Variants in SCML2 observed in about 807,000 individuals in gnomAD.
The protein encoded by SCML2 is sex comb on midleg-like protein 2.
Under a neutral mutation model 48.4 loss-of-function variants are expected in SCML2, and 6 were observed. The observed-to-expected ratio is 0.12, with a 90% CI of 0.07 to 0.24. The LOEUF (loss-of-function observed/expected upper bound fraction) is 0.24. Ranked by LOEUF, SCML2 falls within the 10% of genes least tolerant of loss-of-function variation. The pLI, the probability that SCML2 is intolerant of heterozygous loss-of-function variation, is 1.00. For missense variants in SCML2, 377 were observed against 528.2 expected (o/e 0.71, Z 2.81); for synonymous variants, 181 against 189.5 (o/e 0.95, Z 0.37).
At chrX:18,318,745 C>T (rs1319926917) in intron 6 of SCML2, among the ~76,000 whole-genome samples, 1 of 111,889 alleles carries the variant, frequency 8.9e-6, no homozygotes, top group Non-Finnish European at 1.9e-5. Context: ...TGAATATTTG[C>T]TTCCAGTAGA....
intron 1 of SCML2, among the ~76,000 whole-genome samples, chrX:18,343,107 G>GT (rs1370057858): frequency 9.1e-6 from 1 of 109,650 alleles, no homozygotes; most frequent in Non-Finnish European, 1.9e-5. Context: ...TGTTTGGAGA[G>GT]TTTTTTTCTT....
chrX:18,303,068 C>CA (rs201157960), intron 7 of SCML2, among the ~76,000 whole-genome samples: 1,500 of 111,624 alleles, frequency 0.013, 21 homozygotes, highest in African/African-American at 0.046. Flanking sequence ...ATATGGTCCC[C>CA]ATCTCATGCT....
intron 7 of SCML2, among the ~76,000 whole-genome samples, chrX:18,270,027 A>AT (rs1409778677): frequency 9.1e-4 from 23 of 25,382 alleles, no homozygotes; most frequent in Middle Eastern, 0.019. Context: ...AAGTACTATA[A>AT]ATTTTTTTTT....
chrX:18,317,732 G>A (rs1371237228), intron 6 of SCML2, among the ~76,000 whole-genome samples: 2 of 107,805 alleles, frequency 1.9e-5, no homozygotes, highest in Admixed American at 2.0e-4. Flanking sequence ...TACTCGGGAG[G>A]CTGAGGCAGG....
Position 18,256,595 on chromosome X carries a change from T to C in SCML2, c.1456+253A>G, listed in dbSNP as rs148306968. ...ACTTTAAAGCCATACTTCAGTCTAATAGAGAATGTTTAACTCTGTGAGGTA... is the reference window on the plus strand; with the variant it reads ...ACTTTAAAGCCATACTTCAGTCTAACAGAGAATGTTTAACTCTGTGAGGTA... On this transcript the variant is annotated intron_variant, in intron 11 of 14. Coordinates refer to ENST00000251900, the MANE Select transcript of SCML2 (RefSeq NM_006089.3). 3.4e-3 allele frequency among the ~76,000 whole-genome samples: 385 copies of C among 112,465 alleles called. 3 individuals are homozygous for C. Among genetic ancestry groups the C allele is most frequent in the African/African-American group, 0.011 (356 of 31,027 alleles).
intron 1 of SCML2, among the ~76,000 whole-genome samples, chrX:18,345,646 C>G (rs1930174478): frequency 9.0e-6 from 1 of 110,837 alleles, no homozygotes; most frequent in Non-Finnish European, 1.9e-5. Flanking sequence ...CTTGCCTCAG[C>G]CTCTCAAAGT....
intron 7 of SCML2, among the ~76,000 whole-genome samples, chrX:18,291,746 A>T (rs1263630431): frequency 9.1e-6 from 1 of 110,439 alleles, no homozygotes; most frequent in Non-Finnish European, 1.9e-5. Flanking sequence ...TGATGTGTTT[A>T]AAAAAAAAGA....
At chrX:18,312,613 G>C (rs1452707849) in intron 6 of SCML2, among the ~76,000 whole-genome samples, 1 of 110,331 alleles carries the variant, frequency 9.1e-6, no homozygotes, top group East Asian at 2.9e-4. Flanking sequence ...AAAGCTGACT[G>C]TATTTTGAAG....
chrX:18,255,390 T>G (rs1602079761), intron 11 of SCML2, among the ~76,000 whole-genome samples: 1 of 112,219 alleles, frequency 8.9e-6, no homozygotes, highest in African/African-American at 3.2e-5. Context: ...TTATACTCTT[T>G]CAGCAGAGAT....
chrX:18,249,359 C>A (rs962829721), intron 11 of SCML2, among the ~76,000 whole-genome samples: 1 of 111,368 alleles, frequency 9.0e-6, no homozygotes, highest in Non-Finnish European at 1.9e-5. Flanking sequence ...AACAGCCATG[C>A]GATAATCGCT....
intron 10 of SCML2, 45 bp from the exon 11 acceptor site, chrX:18,257,075 G>A: frequency 1.1e-6 from 1 of 889,688 alleles, no homozygotes; most frequent in Non-Finnish European, 1.5e-6. Flanking sequence ...AGAGAGATGA[G>A]AAATACAACA....
chrX:18,256,378 G>A (rs371423852), intron 11 of SCML2, among the ~76,000 whole-genome samples: 2 of 111,462 alleles, frequency 1.8e-5, no homozygotes, highest in African/African-American at 6.5e-5. Context: ...ATTGAATCTG[G>A]GAGGCGGAGG....
chrX:18,334,188 G>T (rs1929740055), intron 1 of SCML2, 93 bp from the exon 2 acceptor site: 1 of 577,435 alleles, frequency 1.7e-6, no homozygotes, highest in African/African-American at 2.3e-5. Context: ...AATTTAATCT[G>T]TTTCCCTTAA....
intron 1 of SCML2, among the ~76,000 whole-genome samples, chrX:18,337,119 T>G (rs1929845871): frequency 9.2e-6 from 1 of 108,638 alleles, no homozygotes; most frequent in African/African-American, 3.3e-5. Flanking sequence ...CTGGCCAACA[T>G]GGTGAAACCC....
chrX:18,266,881 T>C (rs1466902633), intron 7 of SCML2, among the ~76,000 whole-genome samples: 1 of 112,115 alleles, frequency 8.9e-6, no homozygotes, highest in Non-Finnish European at 1.9e-5. Flanking sequence ...GAGGACCACT[T>C]CACTGCCAAC....
At chrX:18,250,108 C>CAA (rs200682182) in intron 11 of SCML2, among the ~76,000 whole-genome samples, 4 of 99,256 alleles carry the variant, frequency 4.0e-5, no homozygotes, top group Non-Finnish European at 6.2e-5. Context: ...CAGTTTTCAA[C>CAA]AAAAAAAAAA....
chrX:18,331,079 C>T (rs1929639957), intron 2 of SCML2, among the ~76,000 whole-genome samples: 1 of 108,148 alleles, frequency 9.2e-6, no homozygotes, highest in African/African-American at 3.4e-5. Context: ...GGCCAACATG[C>T]GAAACCCTGT....
chrX:18,333,962 G>C (rs1929732229), intron 2 of SCML2, 88 bp downstream of exon 2: 1 of 850,919 alleles, frequency 1.2e-6, no homozygotes, highest in Non-Finnish European at 1.6e-6. Context: ...TTTTTTAAAG[G>C]CTTTATTTCA....
chrX:18,342,276 T>C (rs755874495), intron 1 of SCML2, among the ~76,000 whole-genome samples: 1 of 109,322 alleles, frequency 9.1e-6, no homozygotes, highest in Non-Finnish European at 1.9e-5. Context: ...ACATAAAGAG[T>C]AGAAGTTGCT....
Sources: allele counts gnomAD v4.1 joint callset (sites outside exome capture counted in the v4.1 genomes callset), GRCh38; gene constraint gnomAD v4.1.1; transcripts MANE v1.5; gene names NCBI Gene and HGNC (gene_info 2026-07-23, HGNC 2026-07-21).